The following RGS6 variants were observed in gnomAD, a reference collection of about 807,000 sequenced individuals.
The protein encoded by RGS6 is regulator of G protein signaling 6.
In RGS6, 30 loss-of-function variants were observed where a neutral mutation model predicts 78.5. The ratio of observed to expected loss-of-function variants is 0.38; its 90% CI spans 0.29 to 0.52. The LOEUF is 0.52. RGS6 is among the 20% of genes least tolerant of loss of function. The pLI, the probability that RGS6 is intolerant of heterozygous loss-of-function variation, is 0.85. For synonymous variants in RGS6, 206 were observed against 206.0 expected (o/e 1.00, Z 0.00); for missense variants, 495 against 609.7 (o/e 0.81, Z 1.98).
chr14:72,412,760 A>G (rs1314911370), intron 3 of RGS6, among the ~76,000 whole-genome samples: 1 of 152,288 alleles, frequency 6.6e-6, no homozygotes, highest in East Asian at 1.9e-4. Context: ...AGATTCTGGT[A>G]TGTTGTGTCT....
rs567836915 is a variant in RGS6, at chr14:72,556,388, C to A, written c.1423-6029C>A. ...CGAGAATAGCATGGGGGAAACCACC[C>A]CCATGATCCAATCACCTCCCACTAG... is the stretch of plus-strand genomic sequence containing the variant. On this transcript the variant is annotated intron_variant, in intron 17 of 17. Coordinates refer to ENST00000553525, the MANE Select transcript of RGS6 (RefSeq NM_001204424.2). Among the ~76,000 whole-genome samples, 11 of 152,208 alleles carry A rather than the reference C, an allele frequency of 7.2e-5. No individual in the cohort carries two copies. The East Asian group carries it at 2.1e-3, about 29-fold the overall frequency.
intron 2 of RGS6, among the ~76,000 whole-genome samples, chr14:72,001,110 C>T (rs1182595157): frequency 6.6e-6 from 1 of 152,144 alleles, no homozygotes; most frequent in African/African-American, 2.4e-5. Context: ...CGTGGGGCCG[C>T]TCCTGGCAAC....
chr14:72,521,305 A>G (rs77554591), intron 15 of RGS6, among the ~76,000 whole-genome samples: 58 of 152,328 alleles, frequency 3.8e-4, no homozygotes, highest in African/African-American at 1.3e-3. Flanking sequence ...CAGCAACAGT[A>G]TGATTATCGC....
chr14:71,960,228 A>G (rs529411857), intron 1 of RGS6, among the ~76,000 whole-genome samples: 52 of 152,320 alleles, frequency 3.4e-4, no homozygotes, highest in African/African-American at 1.2e-3. Flanking sequence ...CCTATTATGC[A>G]TAGAGCATCC....
At chr14:72,254,799 T>C (rs1011812745) in intron 2 of RGS6, among the ~76,000 whole-genome samples, 1 of 152,190 alleles carries the variant, frequency 6.6e-6, no homozygotes, top group African/African-American at 2.4e-5. Context: ...CCAGTCCCTG[T>C]ACAAGTCTGT....
At chr14:72,447,665 C>T (rs565239292) in intron 3 of RGS6, among the ~76,000 whole-genome samples, 1 of 152,136 alleles carries the variant, frequency 6.6e-6, no homozygotes, top group Non-Finnish European at 1.5e-5. Context: ...GGTTCATTAC[C>T]CCTCACAGTC....
intron 2 of RGS6, among the ~76,000 whole-genome samples, chr14:72,159,829 A>G (rs1250044939): frequency 6.6e-6 from 1 of 152,168 alleles, no homozygotes; most frequent in African/African-American, 2.4e-5. Flanking sequence ...AGAAATCTCT[A>G]TTCTCTTAGT....
intron 2 of RGS6, among the ~76,000 whole-genome samples, chr14:72,082,825 T>G (rs563804790): frequency 6.6e-6 from 1 of 152,270 alleles, no homozygotes; most frequent in East Asian, 1.9e-4. Flanking sequence ...CATAAATACT[T>G]GTAACATACA....
the RGS6 span, among the ~76,000 whole-genome samples, chr14:71,883,215 C>T: frequency 6.6e-6 from 1 of 152,174 alleles, no homozygotes; most frequent in Non-Finnish European, 1.5e-5. Context: ...GGGGGCCTGG[C>T]TAAAGGCCGA....
At chr14:72,207,496 T>C (rs1456705231) in intron 2 of RGS6, among the ~76,000 whole-genome samples, 2 of 152,242 alleles carry the variant, frequency 1.3e-5, no homozygotes, top group African/African-American at 4.8e-5. Context: ...TTGTCTTGAA[T>C]AAAATTTTCC....
At chr14:72,099,608 A>C (rs540756185) in intron 2 of RGS6, among the ~76,000 whole-genome samples, 2 of 152,196 alleles carry the variant, frequency 1.3e-5, no homozygotes, top group Non-Finnish European at 2.9e-5. Flanking sequence ...GAGGACTTCA[A>C]TGAGCTCTCA....
intron 3 of RGS6, among the ~76,000 whole-genome samples, chr14:72,359,921 C>G (rs967525500): frequency 6.6e-6 from 1 of 151,948 alleles, no homozygotes. Context: ...GTGTGTCCAA[C>G]CTGAGATGAG....
chr14:72,407,258 T>C (rs2093013731), intron 3 of RGS6, among the ~76,000 whole-genome samples: 1 of 152,196 alleles, frequency 6.6e-6, no homozygotes, highest in Non-Finnish European at 1.5e-5. Context: ...CCACACTGCC[T>C]GTGCTGAGCT....
the RGS6 span, among the ~76,000 whole-genome samples, chr14:72,596,446 T>C: frequency 6.6e-6 from 1 of 152,164 alleles, no homozygotes; most frequent in Non-Finnish European, 1.5e-5. Context: ...TTCCCCCTCA[T>C]CATGAAACAT....
the RGS6 span, among the ~76,000 whole-genome samples, chr14:72,599,706 G>C: frequency 1.3e-5 from 2 of 150,496 alleles, no homozygotes; most frequent in Non-Finnish European, 3.0e-5. Context: ...TTACAAGCAT[G>C]AGCCACCGCG....
At chr14:72,396,543 G>T (rs1464306728) in intron 3 of RGS6, among the ~76,000 whole-genome samples, 4 of 152,042 alleles carry the variant, frequency 2.6e-5, no homozygotes, top group African/African-American at 9.7e-5. Context: ...AAGCTCTTTA[G>T]TCTGATTAGA....
At chr14:72,344,860 G>A (rs1459153043) in intron 2 of RGS6, among the ~76,000 whole-genome samples, 7 of 152,190 alleles carry the variant, frequency 4.6e-5, no homozygotes, top group Non-Finnish European at 8.8e-5. Flanking sequence ...GCTGCAGTGT[G>A]GGAAACAGAT....
At chr14:72,566,953 G>A (rs571509603), downstream of RGS6, among the ~76,000 whole-genome samples, 2 of 152,218 alleles carry the variant, frequency 1.3e-5, no homozygotes, top group East Asian at 1.9e-4. Context: ...ACAGAGTCTC[G>A]GTTTCCTGAG....
intron 4 of RGS6, among the ~76,000 whole-genome samples, chr14:72,457,537 A>G (rs4903025): frequency 0.72 from 108,742 of 152,012 alleles, 39,309 homozygotes; most frequent in East Asian, 0.98. Context: ...GAGCTCAAGC[A>G]ATCCGCCTGC....
Sources: allele counts gnomAD v4.1 joint callset (sites outside exome capture counted in the v4.1 genomes callset), GRCh38; gene constraint gnomAD v4.1.1; transcripts MANE v1.5; gene names NCBI Gene and HGNC (gene_info 2026-07-23, HGNC 2026-07-21).